Variants in FMNL2 observed in about 807,000 individuals in gnomAD.
FMNL2 encodes the protein formin like 2.
In FMNL2, 51 loss-of-function variants were observed where a neutral mutation model predicts 130.2. The ratio of observed to expected loss-of-function variants is 0.39; its 90% CI spans 0.31 to 0.49. The LOEUF is 0.49. FMNL2 is among the 20% of genes least tolerant of loss of function. The probability of loss-of-function intolerance (pLI) is 0.85; values close to 1 mark genes in which losing one functional copy is unlikely to be tolerated. For missense variants in FMNL2, 977 were observed against 1,316.2 expected (o/e 0.74, Z 3.99); for synonymous variants, 465 against 467.1 (o/e 1.00, Z 0.06).
At chr2:152,366,762 A>G (rs1464057151) in intron 1 of FMNL2, among the ~76,000 whole-genome samples, 1 of 152,094 alleles carries the variant, frequency 6.6e-6, no homozygotes, top group South Asian at 2.1e-4. Flanking sequence ...GCCCAGGAGT[A>G]CAAGACCAGC....
chr2:152,636,549 G>A lies in FMNL2; in HGVS notation c.2803G>A (p.Gly935Arg). The part of the protein sequence containing the change: ...LLKEFILNNE[G>R]KLKKLQDDAK... ...GAAGGAGTTCATCCTCAACAATGAG[G>A]GGAAGCTGAAGAAGCTGCAGGATGA... The change falls in exon 22 of 26, where the codon GGG becomes AGG. Residue 935 changes from glycine to arginine, a missense_variant. By Grantham distance (125) the Gly-to-Arg change is moderately radical. Transcript: ENST00000288670. 6.3e-7 allele frequency: 1 copy of A among 1,581,048 alleles called. No individual in the cohort carries two copies. Among genetic ancestry groups the A allele is most frequent in the Non-Finnish European group, 8.6e-7 (1 of 1,162,556 alleles).
intron 6 of FMNL2, among the ~76,000 whole-genome samples, chr2:152,563,597 A>T (rs1202963676): frequency 6.6e-6 from 1 of 152,124 alleles, no homozygotes; most frequent in Non-Finnish European, 1.5e-5. Context: ...CTTTTCATAT[A>T]CCCAAACATT....
intron 25 of FMNL2, among the ~76,000 whole-genome samples, chr2:152,645,198 A>G (rs1010755182): frequency 5.3e-5 from 8 of 152,154 alleles, no homozygotes; most frequent in Admixed American, 2.0e-4. Flanking sequence ...GACTATATCT[A>G]TCTTTCTGGA....
At chr2:152,544,223 C>T (rs897698035) in intron 3 of FMNL2, among the ~76,000 whole-genome samples, 1 of 152,104 alleles carries the variant, frequency 6.6e-6, no homozygotes, top group Non-Finnish European at 1.5e-5. Flanking sequence ...TCAAGACCAA[C>T]ATGGTGAAAC....
At chr2:152,551,371 T>C (rs1694927698) in intron 4 of FMNL2, among the ~76,000 whole-genome samples, 1 of 152,170 alleles carries the variant, frequency 6.6e-6, no homozygotes, top group Non-Finnish European at 1.5e-5. Flanking sequence ...CAGGTGAAGT[T>C]TTCCCTTGCC....
At chr2:152,616,637 A>G (rs1481820545) in intron 12 of FMNL2, among the ~76,000 whole-genome samples, 2 of 152,156 alleles carry the variant, frequency 1.3e-5, no homozygotes, top group Non-Finnish European at 2.9e-5. Flanking sequence ...TATTACTTGC[A>G]TAGTTTGGTC....
chr2:152,342,639 C>G (rs1428876701), intron 1 of FMNL2, among the ~76,000 whole-genome samples: 1 of 152,186 alleles, frequency 6.6e-6, no homozygotes, highest in African/African-American at 2.4e-5. Context: ...GGTGATCTTC[C>G]TCCCTCCTCC....
intron 1 of FMNL2, among the ~76,000 whole-genome samples, chr2:152,384,518 G>A (rs1684674461): frequency 6.6e-6 from 1 of 152,146 alleles, no homozygotes; most frequent in African/African-American, 2.4e-5. Flanking sequence ...ATTAGTGAGA[G>A]GGCAGGAGAG....
chr2:152,609,603 T>A (rs2105858128), intron 10 of FMNL2, among the ~76,000 whole-genome samples: 1 of 152,352 alleles, frequency 6.6e-6, no homozygotes, highest in East Asian at 1.9e-4. Context: ...ATATATTTTT[T>A]AAAGCTCATT....
intron 1 of FMNL2, among the ~76,000 whole-genome samples, chr2:152,383,306 G>A (rs571982628): frequency 5.5e-4 from 79 of 142,808 alleles, no homozygotes; most frequent in African/African-American, 1.9e-3. Context: ...TAGTTTAGGG[G>A]GCAATAGTGT....
At chr2:152,437,191 T>C (rs756111754) in intron 1 of FMNL2, among the ~76,000 whole-genome samples, 34 of 152,176 alleles carry the variant, frequency 2.2e-4, no homozygotes, top group Non-Finnish European at 4.4e-4. Flanking sequence ...TACCATCACA[T>C]TGGAGATTTA....
chr2:152,548,867 G>T (rs1238643515), intron 3 of FMNL2, among the ~76,000 whole-genome samples, 154 bp from the exon 4 acceptor site: 2 of 152,188 alleles, frequency 1.3e-5, no homozygotes. Flanking sequence ...TTTTCATGGT[G>T]AGGAAAATTT....
intron 1 of FMNL2, among the ~76,000 whole-genome samples, chr2:152,338,820 T>TACACACACACACAC (rs58367779): frequency 0.033 from 4,837 of 148,816 alleles, 113 homozygotes; most frequent in Middle Eastern, 0.077. Context: ...GAAGGTGAGA[T>TACACACACACACAC]ACACACACAC....
Position 152,492,403 on chromosome 2 carries a change from C to A in FMNL2, c.118-29540C>A, listed in dbSNP as rs548285327. Reference sequence around the variant, plus strand: ...TCAGAAATATTTCTGTAATGCTTTTCGGCAAGGAAATTAGTTCAATATTTT... The same window carrying A: ...TCAGAAATATTTCTGTAATGCTTTTAGGCAAGGAAATTAGTTCAATATTTT... On this transcript the variant is annotated intron_variant, in intron 1 of 25. Coordinates refer to ENST00000288670, the MANE Select transcript of FMNL2 (RefSeq NM_052905.4). 7.2e-5 allele frequency among the ~76,000 whole-genome samples: 11 copies of A among 152,288 alleles called. No homozygotes were observed. In the East Asian group the frequency reaches 2.1e-3, roughly 29 times the overall value.
intron 25 of FMNL2, among the ~76,000 whole-genome samples, chr2:152,646,349 C>T (rs1311808230): frequency 2.6e-5 from 4 of 151,972 alleles, no homozygotes; most frequent in South Asian, 4.2e-4. Flanking sequence ...GCCCACCCCC[C>T]CAGAAAAGAG....
intron 11 of FMNL2, among the ~76,000 whole-genome samples, chr2:152,613,978 G>A (rs748475860): frequency 1.3e-5 from 2 of 152,204 alleles, no homozygotes; most frequent in Non-Finnish European, 2.9e-5. Context: ...GGAGCCCTGA[G>A]CTGTTCATGC....
chr2:152,501,027 G>C (rs6434068), intron 1 of FMNL2, among the ~76,000 whole-genome samples: 62,674 of 152,138 alleles, frequency 0.41, 15,603 homozygotes, highest in Non-Finnish European at 0.57. Context: ...TGCTGTGAGG[G>C]CTTCCAAATT....
chr2:152,387,822 T>A (rs200827542), intron 1 of FMNL2, among the ~76,000 whole-genome samples: 1 of 49,390 alleles, frequency 2.0e-5, no homozygotes, highest in Non-Finnish European at 3.6e-5. Context: ...AAAAAAAAAT[T>A]TTTTTTTTTT....
At chr2:152,362,216 G>C (rs1683219019) in intron 1 of FMNL2, among the ~76,000 whole-genome samples, 1 of 151,398 alleles carries the variant, frequency 6.6e-6, no homozygotes, top group Admixed American at 6.6e-5. Context: ...TGACTCTCGG[G>C]ATGGTTGCAC....
Sources: gnomAD v4.1 joint callset for allele counts (sites outside exome capture counted in the v4.1 genomes callset) on GRCh38, gnomAD v4.1.1 for gene constraint, MANE v1.5 for transcripts, NCBI Gene and HGNC (gene_info 2026-07-23, HGNC 2026-07-21) for gene names.